Variants in KAT2A observed in about 807,000 individuals in gnomAD.
KAT2A encodes lysine acetyltransferase 2A, also known as histone acetyltransferase KAT2A.
KAT2A carries 42 observed loss-of-function variants against 95.2 expected under a neutral mutation model. That is an observed-to-expected ratio of 0.44 (90% CI 0.34 to 0.57). The LOEUF is 0.57. Ranked by LOEUF, KAT2A falls within the 20% of genes least tolerant of loss-of-function variation. KAT2A has a pLI of 0.01. For synonymous variants in KAT2A, 449 were observed against 448.2 expected, an observed-to-expected ratio of 1.00 and a Z score of -0.02; for missense variants, 784 against 1,126.3, an observed-to-expected ratio of 0.70 and a Z score of 4.35.
At chr17:42,118,094 A>G in intron 7 of KAT2A, 77 bp from the exon 8 acceptor site, 1 of 863,864 alleles carries the variant, frequency 1.2e-6, no homozygotes, top group Non-Finnish European at 1.7e-6. Flanking sequence ...ACGGGGGCTG[A>G]AGCTGAGGAG....
chr17:42,120,769 TGCGGGGTGCA>T lies in KAT2A; in HGVS notation c.390_399del (p.Ala131TrpfsTer10). On this transcript the variant is annotated frameshift_variant, in exon 2 of 18. Transcript: ENST00000225916. LOFTEE classifies it high-confidence loss of function. ...TTGGCAGCTGGCTGCTGCAGATCCATGCGGGGTGCAGTGGGGGGCTTGGGGTTTTTCCAGC... is the reference window on the plus strand; with the variant it reads ...TTGGCAGCTGGCTGCTGCAGATCCATGTGGGGGGCTTGGGGTTTTTCCAGC... 6.2e-7 allele frequency: 1 copy of T among 1,614,070 alleles called. No homozygotes were observed. The highest frequency in any genetic ancestry group is 8.5e-7 in the Non-Finnish European group (1 of 1,180,008).
At position 42,114,337 on chromosome 17, in the gene KAT2A, C is replaced by T. The variant is rs2054221304; in HGVS notation, c.2171+21G>A. 2 of 1,613,856 alleles carry T rather than the reference C, an allele frequency of 1.2e-6. No homozygotes were observed. Among genetic ancestry groups the T allele is most frequent in the African/African-American group, 1.3e-5 (1 of 74,866 alleles). On this transcript the variant is annotated intron_variant, in intron 15 of 17. Transcript: ENST00000225916. The surrounding 1 kb of genome is among the most constrained non-coding windows in gnomAD (Gnocchi z 6.0). ...CCAAGTCCCTCTGCCCCACCCCCAA[C>T]CCGGCTCCTTTGACACTCACCCCTT...
In KAT2A at chr17:42,119,443, T is replaced by C. The variant is rs2054305089; in HGVS notation, c.882-7A>G. On this transcript the variant is annotated splice_region_variant and splice_polypyrimidine_tract_variant and intron_variant, in intron 5 of 17. Coordinates refer to ENST00000225916, the MANE Select transcript of KAT2A (RefSeq NM_021078.3). The surrounding 1 kb of genome is among the most constrained non-coding windows in gnomAD (Gnocchi z 5.3). The stretch of plus-strand genomic sequence containing the variant: ...GTGGCAGTAACAGAGCCATCTGGAG[T>C]AGGGGGTCGAGGGGGAGACAGGTGA... The C allele has an allele frequency of 1.9e-6, 3 of 1,603,348 alleles. No individual in the cohort carries two copies. The highest frequency in any genetic ancestry group is 4.5e-5 in the East Asian group (2 of 44,618).
In KAT2A at chr17:42,114,821, TAC is replaced by T; in HGVS notation, c.2019+69_2019+70del. The T allele has an allele frequency of 5.3e-6, 8 of 1,516,516 alleles. No individual in the cohort carries two copies. The highest frequency in any genetic ancestry group is 6.4e-6 in the Non-Finnish European group (7 of 1,096,758). The allele number at this position is 1,516,516 out of a possible 1,614,324, so 93.9% of individuals were successfully genotyped here. ...TATGCATGTAGACGTAGAACAGGTC[TAC>T]ACACGTGTGCTCGCCCTCTGCATGC... On this transcript the variant is annotated intron_variant, in intron 13 of 17. Transcript: ENST00000225916. This position sits in a 1 kb window ranked among gnomAD's most constrained non-coding sequence, Gnocchi z 6.0.
In KAT2A at chr17:42,120,320, G is replaced by A; in HGVS notation, c.514C>T (p.Leu172=). The change falls in exon 3 of 18, where the codon CTG becomes TTG. Residue 172 remains leucine, a synonymous_variant. Transcript: ENST00000225916. ...TCCACATCCACCACCATCCCCAGCA[G>A]TCGGTTTATCTCATCCTCTGACACA... ...ENVSEDEINR[L]LGMVVDVENL... The A allele has an allele frequency of 1.9e-6, 3 of 1,614,230 alleles. No homozygotes were observed. Among genetic ancestry groups the A allele is most frequent in the Non-Finnish European group, 8.5e-7 (1 of 1,180,026 alleles).
Position 42,114,219 on chromosome 17 carries a change from C to T in KAT2A, c.2235G>A (p.Lys745=). 6.3e-7 allele frequency: 1 copy of T among 1,595,912 alleles called. No individual in the cohort carries two copies. Among genetic ancestry groups the T allele is most frequent in the Non-Finnish European group, 8.5e-7 (1 of 1,169,996 alleles). Residue 745 remains lysine, a splice_region_variant and synonymous_variant, in exon 16 of 18, where the codon AAG becomes AAA. Coordinates refer to ENST00000225916, the MANE Select transcript of KAT2A (RefSeq NM_021078.3). This position sits in a 1 kb window ranked among gnomAD's most constrained non-coding sequence, Gnocchi z 6.0. ...TGGAAAGGAAACCTGGTCTCCCCAC[C>T]TTGATTTGGGCCAGCAGGTTTTTGA... The part of the protein sequence containing the change: ...TTLKNLLAQI[K]SHPSAWPFME...
At chr17:42,116,951 A>G in intron 11 of KAT2A, 84 bp downstream of exon 11, 1 of 1,522,784 alleles carries the variant, frequency 6.6e-7, no homozygotes, top group Non-Finnish European at 9.0e-7. Context: ...GGGCTGCTGC[A>G]TGCCACACAT....
At chr17:42,118,166 G>A (rs1052403213) in intron 7 of KAT2A, 131 bp downstream of exon 7, 1 of 814,068 alleles carries the variant, frequency 1.2e-6, no homozygotes, top group South Asian at 1.6e-5. Flanking sequence ...CAGGGACTGG[G>A]GGGGCTGAAG....
rs782570663 is a variant in KAT2A, at chr17:42,117,398, C to T, written c.1627G>A (p.Val543Ile). Residue 543 changes from valine (V) to isoleucine (I), a missense_variant, in exon 10 of 18, where the codon GTC (valine) becomes ATC (isoleucine). By Grantham distance (29) the Val-to-Ile change is conservative. Coordinates refer to ENST00000225916, the MANE Select transcript of KAT2A (RefSeq NM_021078.3). This position sits in a 1 kb window ranked among gnomAD's most constrained non-coding sequence, Gnocchi z 8.9. ...CTCTGGGGGACGCACGGGTCAAAGA[C>T]GAGGCGGGCGATATACTCCTTAGGC... ...RMPKEYIARL[V>I]FDPKHKTLAL... 128 of 1,613,348 alleles carry T rather than the reference C, an allele frequency of 7.9e-5. No individual in the cohort carries two copies. The highest frequency in any genetic ancestry group is 1.1e-4 in the Non-Finnish European group (125 of 1,179,876).
In KAT2A at chr17:42,121,052, G is replaced by C; in HGVS notation, c.253C>G (p.Gln85Glu). The C allele has an allele frequency of 6.3e-7, 1 of 1,584,960 alleles. No homozygotes were observed. The highest frequency in any genetic ancestry group is 8.6e-7 in the Non-Finnish European group (1 of 1,167,798). ...DPARPGLSQQ[Q>E]RASQRKAQVR... ...TGCGCCTTCCTCTGACTGGCGCGCT[G>C]CTGCTGGCTCAGGCCAGGTCGAGCC... Residue 85 changes from glutamine to glutamate, a missense_variant, in exon 1 of 18, where the codon CAG (glutamine) becomes GAG (glutamate). This residue lies in a region of KAT2A where 142 missense variants were observed against 123.2 expected (regional missense o/e 1.15). Coordinates refer to ENST00000225916, the MANE Select transcript of KAT2A (RefSeq NM_021078.3).
rs1419715385 is a variant in KAT2A, at chr17:42,121,096, G to A, written c.209C>T (p.Ala70Val). The A allele has an allele frequency of 1.7e-5, 26 of 1,537,772 alleles. No homozygotes were observed. Among genetic ancestry groups the A allele is most frequent in the African/African-American group, 2.7e-5 (2 of 73,258 alleles). The change falls in exon 1 of 18, where the codon GCC becomes GTC. Residue 70 changes from alanine to valine, a missense_variant. Ala to Val is a moderately conservative substitution (Grantham distance 64). Transcript: ENST00000225916. ...TGGPGVGSGG[A>V]GSGGDPARPG... is the part of the protein sequence containing the mutation. ...TCGAGCCGGATCCCCCCCGCTCCCG[G>A]CCCCCCCACTTCCTACCCCGGGCCC... is the stretch of plus-strand genomic sequence containing the variant.
chr17:42,120,367 T>G lies in KAT2A; in HGVS notation c.467A>C (p.Asp156Ala), dbSNP rs2144042985. 6.2e-7 allele frequency: 1 copy of G among 1,614,166 alleles called. No homozygotes were observed. The highest frequency in any genetic ancestry group is 8.5e-7 in the Non-Finnish European group (1 of 1,179,996). Residue 156 changes from aspartate (D) to alanine (A), a missense_variant, in exon 3 of 18, where the codon GAC becomes GCC. Asp to Ala is a moderately radical substitution (Grantham distance 126). Transcript: ENST00000225916. ...CACATTCTCCAAGTGGGATACGTGG[T>G]CAGCTGCAAGACAGATGGCAGAGTT... Reference protein sequence around the residue: ...LCRSCEHPLADHVSHLENVSE... With the variant: ...LCRSCEHPLAAHVSHLENVSE...
Position 42,121,185 on chromosome 17 carries a change from C to T in KAT2A, c.120G>A (p.Pro40=). The change falls in exon 1 of 18, where the codon CCG becomes CCA. Residue 40 remains proline, a synonymous_variant. Transcript: ENST00000225916. The part of the protein sequence containing the change: ...PAPSPASAPI[P]TPTPAPAPAP... ...CAGGGGCTGGTGCCGGGGTGGGAGT[C>T]GGAATCGGGGCTGAAGCCGGGCTGG... 7.2e-7 allele frequency: 1 copy of T among 1,384,746 alleles called. No individual in the cohort carries two copies. The highest frequency in any genetic ancestry group is 9.6e-7 in the Non-Finnish European group (1 of 1,042,996). 85.8% of individuals were successfully genotyped at this position (1,384,746 alleles called of 1,614,324 possible). A position where few individuals can be genotyped will look rare whatever the true frequency, so the allele number is the denominator to read the frequency against.
Position 42,117,238 on chromosome 17 carries a change from G to A in KAT2A, c.1638-77C>T, listed in dbSNP as rs2054271993. 1 of 1,590,494 alleles carries A rather than the reference G, an allele frequency of 6.3e-7. No homozygotes were observed. The highest frequency in any genetic ancestry group is 1.3e-5 in the African/African-American group (1 of 74,454). ...CAGAGCCCTGGAAGTCTGAGCTGTA[G>A]TCAGGGTTGGGCAGTGAGAAGTAAG... is the stretch of plus-strand genomic sequence containing the variant. On this transcript the variant is annotated intron_variant, in intron 10 of 17. Transcript: ENST00000225916. The surrounding 1 kb of genome is among the most constrained non-coding windows in gnomAD (Gnocchi z 8.9).
intron 6 of KAT2A, among the ~76,000 whole-genome samples, chr17:42,118,703 C>T (rs1257676248): frequency 6.6e-6 from 1 of 152,186 alleles, no homozygotes; most frequent in Non-Finnish European, 1.5e-5. Flanking sequence ...ACCCTGAGCC[C>T]CCTCACTGCC....
chr17:42,114,757 G>A lies in KAT2A; in HGVS notation c.2019+135C>T. ...ACTTCCCCAAGGGAGCAGAGCAAGA[G>A]CCAAGATCCTGGCCTGCCCCTCCTC... On this transcript the variant is annotated intron_variant, in intron 13 of 17. Coordinates refer to ENST00000225916, the MANE Select transcript of KAT2A (RefSeq NM_021078.3). This position sits in a 1 kb window ranked among gnomAD's most constrained non-coding sequence, Gnocchi z 6.0. The A allele has an allele frequency of 8.2e-7, 1 of 1,213,642 alleles. No individual in the cohort carries two copies. The highest frequency in any genetic ancestry group is 1.2e-6 in the Non-Finnish European group (1 of 841,926). 75.2% of individuals were successfully genotyped at this position (1,213,642 alleles called of 1,614,324 possible).
At chr17:42,118,078 T>C in intron 7 of KAT2A, 61 bp from the exon 8 acceptor site, 2 of 905,202 alleles carry the variant, frequency 2.2e-6, no homozygotes, top group Non-Finnish European at 3.1e-6. Flanking sequence ...GAGAGAGAAG[T>C]CAGGGACGGG....
Position 42,114,794 on chromosome 17 carries a change from T to A in KAT2A, c.2019+98A>T. Reference sequence around the variant, plus strand: ...GCCTGCCCCTCCTCACTCACACACATATATGCATGTAGACGTAGAACAGGT... The same window carrying A: ...GCCTGCCCCTCCTCACTCACACACAAATATGCATGTAGACGTAGAACAGGT... On this transcript the variant is annotated intron_variant, in intron 13 of 17. Transcript: ENST00000225916. The surrounding 1 kb of genome is among the most constrained non-coding windows in gnomAD (Gnocchi z 6.0). 7.5e-7 allele frequency: 1 copy of A among 1,341,756 alleles called. No homozygotes were observed. The highest frequency in any genetic ancestry group is 1.1e-6 in the Non-Finnish European group (1 of 946,344). The allele number at this position is 1,341,756 out of a possible 1,614,324, so 83.1% of individuals were successfully genotyped here.
chr17:42,120,923 G>T (rs781895945), intron 1 of KAT2A, 43 bp downstream of exon 1: 6 of 1,553,998 alleles, frequency 3.9e-6, no homozygotes, highest in South Asian at 3.6e-5. Flanking sequence ...AGAGCCCTGG[G>T]ATGCCCCAAG....
Sources: gnomAD v4.1 joint callset for allele counts (sites outside exome capture counted in the v4.1 genomes callset) on GRCh38, gnomAD v4.1.1 for gene constraint, gnomAD v4.1.1 regional missense constraint, Gnocchi (gnomAD v3.1) non-coding constraint, MANE v1.5 for transcripts, NCBI Gene and HGNC (gene_info 2026-07-23, HGNC 2026-07-21) for gene names.